Variants in CARD14 observed in about 807,000 individuals in gnomAD.
The protein encoded by CARD14 is caspase recruitment domain-containing protein 14.
A neutral mutation model predicts 111.5 loss-of-function variants in CARD14; 107 were observed. The observed-to-expected ratio is 0.96, with a 90% confidence interval of 0.82 to 1.13. The LOEUF (loss-of-function observed/expected upper bound fraction) is 1.13, where lower values mean the gene tolerates loss of function less well. CARD14 is among the 50% of genes most tolerant of loss of function. The probability of loss-of-function intolerance (pLI) is 0.00; values close to 1 mark genes in which losing one functional copy is unlikely to be tolerated. For missense variants in CARD14, 1,322 were observed against 1,362.3 expected (o/e 0.97, Z 0.47); for synonymous variants, 617 against 579.6 (o/e 1.06, Z -0.93).
chr17:80,190,876 G>A lies in CARD14; in HGVS notation c.1066G>A (p.Glu356Lys), dbSNP rs145206790. The A allele has an allele frequency of 3.2e-5, 51 of 1,613,866 alleles. No individual in the cohort carries two copies. The highest frequency in any genetic ancestry group is 3.9e-5 in the Non-Finnish European group (46 of 1,180,048). Residue 356 changes from glutamate to lysine, a missense_variant, in exon 10 of 24, where the codon GAG becomes AAG. Coordinates refer to ENST00000648509, the MANE Select transcript of CARD14 (RefSeq NM_001366385.1). ...GAATGCGCTGCAGGCCCAGGTGTGC[G>A]AGCTGCAGAAGGAGCGAGACCAGGT... ...KVNALQAQVC[E>K]LQKERDQAYS...
Position 80,201,951 on chromosome 17 carries a change from G to C in CARD14, c.1978+81G>C. Reference sequence around the variant, plus strand: ...TAAGTCCCTGGTGGTTCTTCTGCACGCCCAGCAGCCAGGGACCCCCAGAGC... The same window carrying C: ...TAAGTCCCTGGTGGTTCTTCTGCACCCCCAGCAGCCAGGGACCCCCAGAGC... On this transcript the variant is annotated intron_variant, in intron 17 of 23. Transcript: ENST00000648509. This position sits in a 1 kb window ranked among gnomAD's most constrained non-coding sequence, Gnocchi z 5.0. 1 of 1,495,638 alleles carries C rather than the reference G, an allele frequency of 6.7e-7. No individual in the cohort carries two copies. Among genetic ancestry groups the C allele is most frequent in the Non-Finnish European group, 9.0e-7 (1 of 1,111,120 alleles). The allele number at this position is 1,495,638 out of a possible 1,614,324, so 92.6% of individuals were successfully genotyped here. A position where few individuals can be genotyped will look rare whatever the true frequency, so the allele number is the denominator to read the frequency against.
At chr17:80,202,493 TTCC>T in intron 18 of CARD14, 73 bp downstream of exon 18, 2 of 1,557,468 alleles carry the variant, frequency 1.3e-6, no homozygotes, top group Non-Finnish European at 1.7e-6. Context: ...CTGCCTCGGC[TTCC>T]TCCTCCTGCC....
At chr17:80,176,439 C>A (rs1413105066) in intron 2 of CARD14, among the ~76,000 whole-genome samples, 45 of 96,786 alleles carry the variant, frequency 4.6e-4, no homozygotes, top group Admixed American at 6.5e-4. Flanking sequence ...GACCTTGTCT[C>A]AAAAAAAAAA....
chr17:80,175,175 G>A (rs527589926), intron 2 of CARD14, among the ~76,000 whole-genome samples: 1 of 151,340 alleles, frequency 6.6e-6, no homozygotes, highest in East Asian at 1.9e-4. Context: ...ACAGGGTTTC[G>A]CCATGTCACC....
Position 80,191,437 on chromosome 17 carries a change from C to T in CARD14, c.1204C>T (p.Gln402Ter). The T allele has an allele frequency of 6.2e-7, 1 of 1,613,236 alleles. No homozygotes were observed. Among genetic ancestry groups the T allele is most frequent in the South Asian group, 1.1e-5 (1 of 91,078 alleles). Residue 402 changes from glutamine to a stop codon, truncating the protein, a stop_gained, in exon 11 of 24, where the codon CAG (glutamine) becomes TAG (stop). Coordinates refer to ENST00000648509, the MANE Select transcript of CARD14 (RefSeq NM_001366385.1). LOFTEE classifies it high-confidence loss of function. ...GGACCAGGTCTGCGAGCTGCGCACA[C>T]AGCTTCGCCAGCTGCAGGCAGAGCC... ...LTDQVCELRT[Q>*]LRQLQAEPPG...
rs2040464670 is a variant in CARD14, at chr17:80,189,884, G to A, written c.963+12G>A. The stretch of plus-strand genomic sequence containing the variant: ...GGCAGCGAGAGCAGGTGCCGTGTGA[G>A]CCCTTCCTCCCTTGTGACTCTCCTG... On this transcript the variant is annotated intron_variant, in intron 9 of 23. Coordinates refer to ENST00000648509, the MANE Select transcript of CARD14 (RefSeq NM_001366385.1). This position sits in a 1 kb window ranked among gnomAD's most constrained non-coding sequence, Gnocchi z 4.7. The A allele has an allele frequency of 2.5e-6, 4 of 1,592,648 alleles. No individual in the cohort carries two copies. In the South Asian group the frequency reaches 4.5e-5, roughly 18 times the overall value.
chr17:80,193,151 A>G (rs926615378), intron 12 of CARD14, among the ~76,000 whole-genome samples: 8 of 152,090 alleles, frequency 5.3e-5, no homozygotes, highest in African/African-American at 1.9e-4. Flanking sequence ...TGGAAATCCT[A>G]TTCCCAAAGA....
intron 2 of CARD14, among the ~76,000 whole-genome samples, chr17:80,173,888 C>T (rs540291753): frequency 1.4e-3 from 213 of 152,094 alleles, no homozygotes; most frequent in Non-Finnish European, 1.8e-3. Flanking sequence ...TGAACCATCG[C>T]GCCCAGCCAA....
In CARD14 at chr17:80,198,774, C is replaced by A; in HGVS notation, c.1851+183C>A. 1 of 1,501,362 alleles carries A rather than the reference C, an allele frequency of 6.7e-7. No individual in the cohort carries two copies. The highest frequency in any genetic ancestry group is 8.9e-7 in the Non-Finnish European group (1 of 1,129,860). The allele number at this position is 1,501,362 out of a possible 1,614,324, so 93.0% of individuals were successfully genotyped here. ...ATTTATAGATGAGAGTCGTGCCGTG[C>A]AGAACCCAGCATGTCACCCGTGGTG... On this transcript the variant is annotated intron_variant, in intron 16 of 23. Coordinates refer to ENST00000648509, the MANE Select transcript of CARD14 (RefSeq NM_001366385.1). The surrounding 1 kb of genome is among the most constrained non-coding windows in gnomAD (Gnocchi z 7.5).
At position 80,205,598 on chromosome 17, in the gene CARD14, G is replaced by A. The variant is rs1377521059; in HGVS notation, c.2637G>A (p.Val879=). The change falls in exon 22 of 24, where the codon GTG becomes GTA. Residue 879 remains valine, a synonymous_variant. Coordinates refer to ENST00000648509, the MANE Select transcript of CARD14 (RefSeq NM_001366385.1). ...GGGACATCATCCAGGAGGGAGAGGT[G>A]TCCGGGGGCCGCTGCTGGGTGACCC... ...QRGDIIQEGE[V]SGGRCWVTRH... The A allele has an allele frequency of 1.3e-6, 2 of 1,571,044 alleles. No individual in the cohort carries two copies. The highest frequency in any genetic ancestry group is 1.7e-6 in the Non-Finnish European group (2 of 1,157,446).
In CARD14 at chr17:80,207,077, G is replaced by A. The variant is rs749868188; in HGVS notation, c.2799G>A (p.Lys933=). ...IHVSVNEKMA[K]KLKKGLQRLG... The stretch of plus-strand genomic sequence containing the variant: ...TCTCTGTCAACGAGAAGATGGCAAA[G>A]AAGCTCAAGTAGGTGCACGCTGGGG... Residue 933 remains lysine (K), a synonymous_variant, in exon 23 of 24, where the codon AAG becomes AAA. Coordinates refer to ENST00000648509, the MANE Select transcript of CARD14 (RefSeq NM_001366385.1). 1.9e-6 allele frequency: 3 copies of A among 1,613,328 alleles called. No homozygotes were observed. Among genetic ancestry groups the A allele is most frequent in the East Asian group, 4.5e-5 (2 of 44,870 alleles).
intron 14 of CARD14, chr17:80,197,543 A>AAAGAAAG (rs1555614392): frequency 4.2e-4 from 60 of 144,012 alleles, no homozygotes; most frequent in South Asian, 6.6e-4. Context: ...AAAAAAAAAA[A>AAAGAAAG]AAAGAAAGAA....
rs113337746 is a variant in CARD14 at position 80,207,384 on chromosome 17, C to T, written c.2807+299C>T. ...TGGCCAACATGGAGAAACCCTGTCTCTATTAAAAATACAAAAACTAGCCAG... is the reference window on the plus strand; with the variant it reads ...TGGCCAACATGGAGAAACCCTGTCTTTATTAAAAATACAAAAACTAGCCAG... On this transcript the variant is annotated intron_variant, in intron 23 of 23. Transcript: ENST00000648509. Among the ~76,000 whole-genome samples, 13 of 152,302 alleles carry T rather than the reference C, an allele frequency of 8.5e-5. 1 individual carries two copies. Among genetic ancestry groups the T allele is most frequent in the African/African-American group, 3.1e-4 (13 of 41,564 alleles).
In CARD14 at chr17:80,182,151, G is replaced by A. The variant is rs921265945; in HGVS notation, c.211+502G>A. 1.9e-4 allele frequency among the ~76,000 whole-genome samples: 29 copies of A among 152,208 alleles called. No homozygotes were observed. Among genetic ancestry groups the A allele is most frequent in the African/African-American group, 6.8e-4 (28 of 41,456 alleles). On this transcript the variant is annotated intron_variant, in intron 5 of 23. Coordinates refer to ENST00000648509, the MANE Select transcript of CARD14 (RefSeq NM_001366385.1). This position sits in a 1 kb window ranked among gnomAD's most constrained non-coding sequence, Gnocchi z 4.7. ...CCAAACACAGGAGAGATTGATGCAC[G>A]CTGGTCATTCTGGCTGAGAGAGATG... is the stretch of plus-strand genomic sequence containing the variant.
At chr17:80,181,794 C>A in intron 5 of CARD14, 145 bp downstream of exon 5, 1 of 720,572 alleles carries the variant, frequency 1.4e-6, no homozygotes, top group East Asian at 2.7e-5. Flanking sequence ...ACCTGGATAA[C>A]CAGGATGATC....
rs775971131 is a variant in CARD14, at chr17:80,195,184, C to T, written c.1357-7C>T. On this transcript the variant is annotated splice_region_variant and splice_polypyrimidine_tract_variant and intron_variant, in intron 12 of 23. Coordinates refer to ENST00000648509, the MANE Select transcript of CARD14 (RefSeq NM_001366385.1). This position sits in a 1 kb window ranked among gnomAD's most constrained non-coding sequence, Gnocchi z 4.7. ...TGCCCCACTGACTTCTGCCCTCCCT[C>T]CTCCAGTCTCAGCTCTTGTCGGACC... The T allele has an allele frequency of 2.5e-6, 4 of 1,595,616 alleles. No individual in the cohort carries two copies. The African/African-American group carries it at 5.4e-5, about 21-fold the overall frequency.
intron 11 of CARD14, 86 bp downstream of exon 11, chr17:80,191,558 G>A: frequency 1.3e-6 from 2 of 1,505,076 alleles, no homozygotes; most frequent in Non-Finnish European, 1.8e-6. Flanking sequence ...GGTGGCCCAT[G>A]GAGGCACTGG....
chr17:80,209,215 T>G lies in CARD14; in HGVS notation c.*870T>G. 1 of 745,294 alleles carries G rather than the reference T, an allele frequency of 1.3e-6. No individual in the cohort carries two copies. Among genetic ancestry groups the G allele is most frequent in the African/African-American group, 1.9e-5 (1 of 52,562 alleles). The allele number at this position is 745,294 out of a possible 1,614,324, so 46.2% of individuals were successfully genotyped here. On this transcript the variant is annotated 3_prime_UTR_variant, in exon 24 of 24. Coordinates refer to ENST00000648509, the MANE Select transcript of CARD14 (RefSeq NM_001366385.1). ...GGGCTGTTGCAGACTGAATGTCATT[T>G]TGACAGCAGTGTCCAAGAATCAGGA...
Position 80,195,831 on chromosome 17 carries a change from G to C in CARD14, c.1594+179G>C, listed in dbSNP as rs1242473401. 1.7e-6 allele frequency: 1 copy of C among 598,584 alleles called. No individual in the cohort carries two copies. Among genetic ancestry groups the C allele is most frequent in the Non-Finnish European group, 2.9e-6 (1 of 339,164 alleles). 37.1% of individuals were successfully genotyped at this position (598,584 alleles called of 1,614,324 possible). On this transcript the variant is annotated intron_variant, in intron 14 of 23. Coordinates refer to ENST00000648509, the MANE Select transcript of CARD14 (RefSeq NM_001366385.1). This position sits in a 1 kb window ranked among gnomAD's most constrained non-coding sequence, Gnocchi z 4.7. ...CACTTTGGGAAAGTCCCGCCTGCCA[G>C]CCAGCGTAAGCCAAAGGCCGGCTGC...
Sources: gnomAD v4.1 joint callset for allele counts (sites outside exome capture counted in the v4.1 genomes callset) on GRCh38, gnomAD v4.1.1 for gene constraint, Gnocchi (gnomAD v3.1) non-coding constraint, MANE v1.5 for transcripts, NCBI Gene and HGNC (gene_info 2026-07-23, HGNC 2026-07-21) for gene names.